The following SEMA3E variants were observed in gnomAD, a reference collection of about 807,000 sequenced individuals.
SEMA3E encodes semaphorin-3E.
In SEMA3E, 49 loss-of-function variants were observed where a neutral mutation model predicts 93.6. That is an observed-to-expected ratio of 0.52 (90% CI 0.42 to 0.66). The LOEUF (loss-of-function observed/expected upper bound fraction) is 0.66. SEMA3E is among the 30% of genes least tolerant of loss of function. The pLI is 0.00. For missense variants in SEMA3E, 906 were observed against 964.8 expected, an observed-to-expected ratio of 0.94 and a Z score of 0.81; for synonymous variants, 363 against 330.7, an observed-to-expected ratio of 1.10 and a Z score of -1.06.
intron 4 of SEMA3E, among the ~76,000 whole-genome samples, chr7:83,426,680 A>G (rs1464927157): frequency 6.6e-6 from 1 of 152,182 alleles, no homozygotes; most frequent in Admixed American, 6.5e-5. Flanking sequence ...AAAAGCTGAA[A>G]TTATTAAAAA....
intron 1 of SEMA3E, among the ~76,000 whole-genome samples, chr7:83,634,600 C>G (rs1052547298): frequency 4.6e-5 from 7 of 151,788 alleles, no homozygotes; most frequent in African/African-American, 1.7e-4. Flanking sequence ...AGTTGACTTA[C>G]CTATAATATT....
intron 1 of SEMA3E, among the ~76,000 whole-genome samples, chr7:83,577,654 T>C (rs1792433783): frequency 6.6e-6 from 1 of 152,200 alleles, no homozygotes; most frequent in South Asian, 2.1e-4. Flanking sequence ...CAATAAAGTG[T>C]TGGCAAATTC....
At chr7:83,429,440 G>A (rs939673214) in intron 4 of SEMA3E, among the ~76,000 whole-genome samples, 4 of 152,054 alleles carry the variant, frequency 2.6e-5, no homozygotes, top group Admixed American at 6.6e-5. Context: ...TGACAGCTCT[G>A]CCTACTGGCT....
chr7:83,608,170 G>A (rs1000085618), intron 1 of SEMA3E, among the ~76,000 whole-genome samples: 37 of 152,026 alleles, frequency 2.4e-4, no homozygotes, highest in African/African-American at 8.7e-4. Context: ...CCAAGATCAT[G>A]CCATTGCACT....
intron 1 of SEMA3E, among the ~76,000 whole-genome samples, chr7:83,576,226 T>G (rs534140755): frequency 1.3e-5 from 2 of 152,346 alleles, no homozygotes; most frequent in East Asian, 3.9e-4. Context: ...TGCTCAATTA[T>G]TTTTCAAATT....
intron 2 of SEMA3E, among the ~76,000 whole-genome samples, chr7:83,481,002 G>A (rs990286305): frequency 1.3e-5 from 2 of 152,040 alleles, no homozygotes; most frequent in African/African-American, 4.8e-5. Context: ...TAATTGAATA[G>A]TAAGTGAAAG....
chr7:83,524,680 A>T (rs118065531), intron 1 of SEMA3E, among the ~76,000 whole-genome samples: 2,064 of 152,186 alleles, frequency 0.014, 15 homozygotes, highest in Non-Finnish European at 0.02. Flanking sequence ...TCTACTTTTA[A>T]TTCTGAGATT....
chr7:83,380,184 A>T (rs1787750297), intron 16 of SEMA3E, among the ~76,000 whole-genome samples: 1 of 150,146 alleles, frequency 6.7e-6, no homozygotes, highest in Non-Finnish European at 1.5e-5. Context: ...ATATTTTGTG[A>T]TTGCTTCTCT....
At chr7:83,512,070 T>C (rs1790836162) in intron 1 of SEMA3E, among the ~76,000 whole-genome samples, 1 of 151,900 alleles carries the variant, frequency 6.6e-6, no homozygotes, top group Non-Finnish European at 1.5e-5. Context: ...CCCAAAGAAA[T>C]AAAAAAATTA....
intron 2 of SEMA3E, among the ~76,000 whole-genome samples, chr7:83,481,346 G>T (rs1284019091): frequency 6.6e-6 from 1 of 151,790 alleles, no homozygotes; most frequent in African/African-American, 2.4e-5. Flanking sequence ...TGCACTAAAG[G>T]ACACTAGAGA....
chr7:83,570,549 T>A (rs1584337995), intron 1 of SEMA3E, among the ~76,000 whole-genome samples: 1 of 25,078 alleles, frequency 4.0e-5, no homozygotes, highest in Non-Finnish European at 5.6e-5. Flanking sequence ...CGAGACTCCG[T>A]CTCAAAAAAA....
At chr7:83,611,244 T>C (rs905887413) in intron 1 of SEMA3E, among the ~76,000 whole-genome samples, 2 of 144,530 alleles carry the variant, frequency 1.4e-5, no homozygotes, top group African/African-American at 5.1e-5. Context: ...GATCACTCCA[T>C]ATATATTTAT....
chr7:83,596,820 G>A (rs1354859286), intron 1 of SEMA3E, among the ~76,000 whole-genome samples: 1 of 152,004 alleles, frequency 6.6e-6, no homozygotes, highest in Non-Finnish European at 1.5e-5. Flanking sequence ...AAATCTTTTA[G>A]CTGCTTATTA....
At chr7:83,396,843 C>T (rs1333743772) in intron 11 of SEMA3E, 114 bp from the exon 12 acceptor site, 5 of 709,272 alleles carry the variant, frequency 7.0e-6, no homozygotes, top group African/African-American at 1.8e-5. Flanking sequence ...CTTTGGGAGG[C>T]CAAGATGGGT....
chr7:83,476,027 T>C (rs919932188), intron 2 of SEMA3E, among the ~76,000 whole-genome samples: 3 of 152,186 alleles, frequency 2.0e-5, no homozygotes, highest in Non-Finnish European at 4.4e-5. Context: ...AGGATAGCGA[T>C]GATTTGTGTA....
intron 1 of SEMA3E, among the ~76,000 whole-genome samples, chr7:83,558,190 A>T (rs1353528207): frequency 6.6e-6 from 1 of 152,142 alleles, no homozygotes; most frequent in Admixed American, 6.6e-5. Flanking sequence ...AAGCCTTGAG[A>T]TAACTAGAGA....
chr7:83,416,565 T>A (rs1051041054), intron 5 of SEMA3E, among the ~76,000 whole-genome samples: 7 of 152,110 alleles, frequency 4.6e-5, no homozygotes, highest in African/African-American at 1.7e-4. Context: ...AGAAGCAGCA[T>A]ATACTGTGTA....
At chr7:83,567,048 A>G (rs1472084154) in intron 1 of SEMA3E, among the ~76,000 whole-genome samples, 1 of 152,168 alleles carries the variant, frequency 6.6e-6, no homozygotes, top group African/African-American at 2.4e-5. Flanking sequence ...CACATAGACA[A>G]AAAGCAAAAG....
chr7:83,394,547 G>A (rs1788082881), intron 12 of SEMA3E, among the ~76,000 whole-genome samples: 2 of 151,288 alleles, frequency 1.3e-5, no homozygotes, highest in Admixed American at 6.7e-5. Context: ...ATATGCAGAT[G>A]AGAAGAGCAG....
Sources: allele counts gnomAD v4.1 joint callset (sites outside exome capture counted in the v4.1 genomes callset), GRCh38; gene constraint gnomAD v4.1.1; transcripts MANE v1.5; gene names NCBI Gene and HGNC (gene_info 2026-07-23, HGNC 2026-07-21).